Variants in TMEM132D observed in about 807,000 individuals in gnomAD.
TMEM132D encodes the protein transmembrane protein 132D, also known as mature OL transmembrane protein.
TMEM132D carries 21 observed loss-of-function variants against 62.3 expected under a neutral mutation model. The ratio of observed to expected loss-of-function variants is 0.34; its 90% CI spans 0.24 to 0.49. The LOEUF (loss-of-function observed/expected upper bound fraction) is 0.49, where lower values mean the gene tolerates loss of function less well. Ranked by LOEUF, TMEM132D falls within the 20% of genes least tolerant of loss-of-function variation. The pLI is 0.99. For missense variants in TMEM132D, 1,346 were observed against 1,402.8 expected, an observed-to-expected ratio of 0.96 and a Z score of 0.65; for synonymous variants, 621 against 575.6, an observed-to-expected ratio of 1.08 and a Z score of -1.13.
chr12:129,399,659 G>GTAAGATTT (rs1347896965), intron 3 of TMEM132D, among the ~76,000 whole-genome samples: 1 of 149,734 alleles, frequency 6.7e-6, no homozygotes, highest in Non-Finnish European at 1.5e-5. Context: ...AAAAATTCCA[G>GTAAGATTT]TAAGATTTTA....
chr12:129,894,157 G>A (rs374108987), intron 1 of TMEM132D, among the ~76,000 whole-genome samples: 9 of 152,200 alleles, frequency 5.9e-5, no homozygotes, highest in African/African-American at 2.2e-4. Flanking sequence ...TGGCTGGGAA[G>A]CCTCACAATC....
intron 1 of TMEM132D, among the ~76,000 whole-genome samples, chr12:129,783,256 G>A (rs1035840982): frequency 1.3e-5 from 2 of 152,100 alleles, no homozygotes; most frequent in African/African-American, 4.8e-5. Flanking sequence ...AAATCAATTC[G>A]GAATGTGCAG....
rs1237349547 is a variant in TMEM132D at position 129,371,660 on chromosome 12, TGATGGTGTG to T, written c.1116-33852_1116-33844del. ...ATGGTGGTGGTGATGGTGATGGTTA[TGATGGTGTG>T]GATGATGATGATGGTGACAATGATG... is the stretch of plus-strand genomic sequence containing the variant. On this transcript the variant is annotated intron_variant, in intron 3 of 8. Coordinates refer to ENST00000422113, the MANE Select transcript of TMEM132D (RefSeq NM_133448.3). The surrounding 1 kb of genome is among the most constrained non-coding windows in gnomAD (Gnocchi z 4.3). Among the ~76,000 whole-genome samples, 1 of 151,842 alleles carries T rather than the reference TGATGGTGTG, an allele frequency of 6.6e-6. No individual in the cohort carries two copies. Among genetic ancestry groups the T allele is most frequent in the Non-Finnish European group, 1.5e-5 (1 of 67,936 alleles).
rs200413321 is a variant in TMEM132D, at chr12:129,649,936, ATG to A, written c.968+49872_968+49873del. Among the ~76,000 whole-genome samples the A allele has an allele frequency of 7.9e-3, 1,189 of 149,806 alleles. 17 individuals carry two copies. The highest frequency in any genetic ancestry group is 0.021 in the African/African-American group (863 of 40,486). Reference sequence around the variant, plus strand: ...TGTACGTGTGTGTGTATGTTTATGTATGTGTGTGTGTGTGTATGTGTATATAC... The same window carrying A: ...TGTACGTGTGTGTGTATGTTTATGTATGTGTGTGTGTGTATGTGTATATAC... On this transcript the variant is annotated intron_variant, in intron 2 of 8. Coordinates refer to ENST00000422113, the MANE Select transcript of TMEM132D (RefSeq NM_133448.3).
intron 3 of TMEM132D, among the ~76,000 whole-genome samples, chr12:129,430,762 C>A (rs60041429): frequency 0.057 from 8,670 of 152,224 alleles, 592 homozygotes; most frequent in African/African-American, 0.15. Context: ...GCCTTCCCTG[C>A]GCCTCAGACT....
intron 1 of TMEM132D, among the ~76,000 whole-genome samples, chr12:129,770,431 T>C (rs1318077380): frequency 6.6e-6 from 1 of 152,190 alleles, no homozygotes; most frequent in Admixed American, 6.5e-5. Context: ...CGTGGGCCAC[T>C]GTGCCTCCCC....
At chr12:129,882,674 T>G (rs994541456) in intron 1 of TMEM132D, among the ~76,000 whole-genome samples, 5 of 152,230 alleles carry the variant, frequency 3.3e-5, no homozygotes, top group Non-Finnish European at 7.4e-5. Context: ...CTGATCACTA[T>G]ACATTATATG....
chr12:129,168,897 A>T (rs931424230), intron 5 of TMEM132D, among the ~76,000 whole-genome samples: 2 of 152,198 alleles, frequency 1.3e-5, no homozygotes, highest in Non-Finnish European at 2.9e-5. Context: ...CATTTAAAGA[A>T]ACAAAACCCT....
chr12:129,177,707 A>G (rs1322337091), intron 5 of TMEM132D, among the ~76,000 whole-genome samples: 2 of 152,176 alleles, frequency 1.3e-5, no homozygotes, highest in African/African-American at 4.8e-5. Context: ...GCAGTGAGCT[A>G]TGATCGCACC....
In TMEM132D at chr12:129,073,866, G is replaced by A. The variant is rs1196491588; in HGVS notation, c.*9C>T. 6.6e-7 allele frequency: 1 copy of A among 1,523,482 alleles called. No individual in the cohort carries two copies. Among genetic ancestry groups the A allele is most frequent in the Non-Finnish European group, 8.8e-7 (1 of 1,136,566 alleles). 94.4% of individuals were successfully genotyped at this position (1,523,482 alleles called of 1,614,324 possible). A position where few individuals can be genotyped will look rare whatever the true frequency, so the allele number is the denominator to read the frequency against. On this transcript the variant is annotated 3_prime_UTR_variant, in exon 9 of 9. Transcript: ENST00000422113. Reference sequence around the variant, plus strand: ...GGTGAGTGAGAACCAATGTCTGTGTGTGTCTGGCTTACACATTTTCATGTA... The same window carrying A: ...GGTGAGTGAGAACCAATGTCTGTGTATGTCTGGCTTACACATTTTCATGTA...
intron 1 of TMEM132D, among the ~76,000 whole-genome samples, chr12:129,888,795 A>G (rs1874827741): frequency 6.6e-6 from 1 of 152,142 alleles, no homozygotes; most frequent in South Asian, 2.1e-4. Flanking sequence ...CAGTGTCCCA[A>G]CTTGTTTTCC....
intron 2 of TMEM132D, among the ~76,000 whole-genome samples, chr12:129,681,821 T>C (rs923531547): frequency 3.3e-5 from 5 of 152,216 alleles, no homozygotes; most frequent in Non-Finnish European, 4.4e-5. Context: ...GGGAGGGGAC[T>C]CTGCAGCTGT....
intron 1 of TMEM132D, among the ~76,000 whole-genome samples, chr12:129,741,362 T>C (rs1283629351): frequency 1.3e-5 from 2 of 152,212 alleles, no homozygotes; most frequent in Admixed American, 6.5e-5. Flanking sequence ...TGTTAATCTA[T>C]GAAAATTAGT....
intron 2 of TMEM132D, among the ~76,000 whole-genome samples, chr12:129,643,781 C>T (rs1666228352): frequency 6.6e-6 from 1 of 152,090 alleles, no homozygotes; most frequent in Non-Finnish European, 1.5e-5. Flanking sequence ...ACCTGGAAGG[C>T]CCCTCCAGGC....
At chr12:129,854,401 C>T (rs1222884466) in intron 1 of TMEM132D, among the ~76,000 whole-genome samples, 1 of 152,178 alleles carries the variant, frequency 6.6e-6, no homozygotes, top group Non-Finnish European at 1.5e-5. Context: ...CCCCAGAACT[C>T]GGCACACAGT....
chr12:129,541,585 C>A (rs150538217), intron 2 of TMEM132D, among the ~76,000 whole-genome samples: 122 of 152,264 alleles, frequency 8.0e-4, no homozygotes, highest in African/African-American at 2.8e-3. Context: ...AAACACAGAG[C>A]AAACTGTTTG....
rs1229255237 is a variant in TMEM132D at position 129,594,356 on chromosome 12, G to A, written c.969-63151C>T. ...GATGGCCAGCTACATGCACACTAACGTCACATCAAAGTCCAGGGGAAATGA... is the reference window on the plus strand; with the variant it reads ...GATGGCCAGCTACATGCACACTAACATCACATCAAAGTCCAGGGGAAATGA... On this transcript the variant is annotated intron_variant, in intron 2 of 8. Coordinates refer to ENST00000422113, the MANE Select transcript of TMEM132D (RefSeq NM_133448.3). Among the ~76,000 whole-genome samples the A allele has an allele frequency of 4.6e-5, 7 of 152,110 alleles. No individual in the cohort carries two copies. The East Asian group carries it at 7.7e-4, about 17-fold the overall frequency.
intron 1 of TMEM132D, among the ~76,000 whole-genome samples, chr12:129,701,822 T>C (rs772504179): frequency 1.3e-5 from 2 of 152,180 alleles, no homozygotes; most frequent in Non-Finnish European, 2.9e-5. Flanking sequence ...ACTCGGACAC[T>C]CATGGCTCCA....
chr12:129,607,652 C>T (rs1292193169), intron 2 of TMEM132D, among the ~76,000 whole-genome samples: 2 of 152,178 alleles, frequency 1.3e-5, no homozygotes, highest in Admixed American at 6.5e-5. Context: ...GTGCAGTTAA[C>T]CCTTGACTGC....
Sources: allele counts gnomAD v4.1 joint callset (sites outside exome capture counted in the v4.1 genomes callset), GRCh38; gene constraint gnomAD v4.1.1; non-coding constraint Gnocchi (gnomAD v3.1); transcripts MANE v1.5; gene names NCBI Gene and HGNC (gene_info 2026-07-23, HGNC 2026-07-21).